The following DSCAM variants were observed in gnomAD, a reference collection of about 807,000 sequenced individuals.
The protein encoded by DSCAM is DS cell adhesion molecule, also known as cell adhesion molecule DSCAM.
Under a neutral mutation model 217.7 loss-of-function variants are expected in DSCAM, and 47 were observed. That is an observed-to-expected ratio of 0.22 (90% CI 0.17 to 0.28). The LOEUF is 0.28. Ranked by LOEUF, DSCAM falls within the 10% of genes least tolerant of loss-of-function variation. DSCAM has a pLI of 1.00. For missense variants in DSCAM, 2,080 were observed against 2,618.3 expected (o/e 0.79, Z 4.49); for synonymous variants, 1,056 against 1,015.3 (o/e 1.04, Z -0.76).
At chr21:40,555,397 G>A (rs1205364572) in intron 3 of DSCAM, among the ~76,000 whole-genome samples, 3 of 152,264 alleles carry the variant, frequency 2.0e-5, no homozygotes, top group Non-Finnish European at 4.4e-5. Context: ...CCAATGATAT[G>A]TCATTTCCAC....
rs757081991 is a variant in DSCAM at position 40,124,295 on chromosome 21, G to A, written c.3596C>T (p.Ala1199Val). 2.2e-5 allele frequency: 36 copies of A among 1,613,964 alleles called. No individual in the cohort carries two copies. Among genetic ancestry groups the A allele is most frequent in the Middle Eastern group, 1.7e-4 (1 of 6,060 alleles). ...PGPPAGVKAAAASASMVFVSW... is the reference protein window; with the variant it reads ...PGPPAGVKAAVASASMVFVSW... ...CACAAAGACCATGGAGGCTGAGGCC[G>A]CCGCTGCCTTCACACCCGCGGGAGG... Residue 1199 changes from alanine (A) to valine (V), a missense_variant, in exon 20 of 33, where the codon GCG becomes GTG. Physicochemically the swap from Ala to Val is moderately conservative, Grantham distance 64. Transcript: ENST00000400454.
chr21:40,797,300 C>T (rs1285036210), intron 1 of DSCAM, among the ~76,000 whole-genome samples: 1 of 152,180 alleles, frequency 6.6e-6, no homozygotes. Flanking sequence ...AGGAATATAA[C>T]ACTTATGGAT....
chr21:40,793,931 G>C (rs923351522), intron 1 of DSCAM, among the ~76,000 whole-genome samples: 16 of 152,142 alleles, frequency 1.1e-4, no homozygotes, highest in South Asian at 2.1e-4. Flanking sequence ...AGAGACAAAT[G>C]CTTATTAGTT....
intron 3 of DSCAM, among the ~76,000 whole-genome samples, chr21:40,374,056 A>AATATCTT (rs6147510): frequency 6.6e-6 from 1 of 151,372 alleles, no homozygotes; most frequent in South Asian, 2.1e-4. Flanking sequence ...GTAAATTTCA[A>AATATCTT]ATCACAAAAA....
chr21:40,772,532 T>C (rs1021266655), intron 1 of DSCAM, among the ~76,000 whole-genome samples: 3 of 152,220 alleles, frequency 2.0e-5, no homozygotes, highest in Non-Finnish European at 4.4e-5. Context: ...CTGTGTCCTA[T>C]ACCTCCTGCT....
intron 32 of DSCAM, among the ~76,000 whole-genome samples, chr21:40,036,041 T>C (rs1376756487): frequency 2.3e-5 from 3 of 128,612 alleles, no homozygotes; most frequent in Non-Finnish European, 5.1e-5. Context: ...TTTATAGCAC[T>C]AAATGCCCAC....
intron 20 of DSCAM, among the ~76,000 whole-genome samples, chr21:40,099,137 A>G (rs1472902359): frequency 6.6e-6 from 1 of 152,270 alleles, no homozygotes; most frequent in Non-Finnish European, 1.5e-5. Flanking sequence ...TATAAAATAA[A>G]GATCTTTTTC....
At chr21:40,035,136 A>G (rs1435872410) in intron 32 of DSCAM, among the ~76,000 whole-genome samples, 10 of 78,308 alleles carry the variant, frequency 1.3e-4, no homozygotes, top group African/African-American at 5.1e-4. Context: ...CTAACATCAT[A>G]ATGACAGGAT....
intron 3 of DSCAM, among the ~76,000 whole-genome samples, chr21:40,645,670 A>C (rs376301934): frequency 3.3e-5 from 5 of 152,274 alleles, no homozygotes; most frequent in African/African-American, 1.2e-4. Flanking sequence ...CCAATTCTCT[A>C]TCTGAGGTAA....
intron 1 of DSCAM, among the ~76,000 whole-genome samples, chr21:40,773,401 C>T (rs1359180248): frequency 6.6e-6 from 1 of 152,192 alleles, no homozygotes; most frequent in Non-Finnish European, 1.5e-5. Context: ...CTTCACATGG[C>T]CTTCTTCTCC....
At chr21:40,097,951 AAAAAAAGAAAGAAAG>A (rs2089698073) in intron 20 of DSCAM, among the ~76,000 whole-genome samples, 1 of 88,208 alleles carries the variant, frequency 1.1e-5, no homozygotes, top group East Asian at 4.4e-4. Context: ...AAAAAAAAAA[AAAAAAAGAAAGAAAG>A]AAAGAAAGAA....
chr21:40,263,369 C>T (rs964817573), intron 11 of DSCAM, among the ~76,000 whole-genome samples: 52 of 152,098 alleles, frequency 3.4e-4, no homozygotes, highest in African/African-American at 1.3e-3. Flanking sequence ...TCTTCTCAGA[C>T]CACAGTGGAA....
At chr21:40,716,380 ATG>A (rs35141387) in intron 1 of DSCAM, among the ~76,000 whole-genome samples, 15,240 of 150,628 alleles carry the variant, frequency 0.1, 792 homozygotes, top group Middle Eastern at 0.17. Context: ...AATGTGAATT[ATG>A]TGTGTGTGTG....
chr21:40,061,863 T>C (rs147915115), intron 28 of DSCAM, among the ~76,000 whole-genome samples: 2 of 152,312 alleles, frequency 1.3e-5, no homozygotes, highest in East Asian at 3.9e-4. Flanking sequence ...ACCCTCTCTC[T>C]CCCACGTAAA....
chr21:40,582,794 C>T (rs1407259460), intron 3 of DSCAM, among the ~76,000 whole-genome samples: 4 of 152,114 alleles, frequency 2.6e-5, no homozygotes, highest in Non-Finnish European at 4.4e-5. Context: ...GTCTAGAACA[C>T]AGTGCCCTAT....
intron 1 of DSCAM, among the ~76,000 whole-genome samples, chr21:40,761,147 C>T (rs560920607): frequency 6.6e-6 from 1 of 152,328 alleles, no homozygotes; most frequent in South Asian, 2.1e-4. Flanking sequence ...ATCCATGATC[C>T]TTCCAAGTAG....
intron 15 of DSCAM, among the ~76,000 whole-genome samples, chr21:40,175,801 ACACACACGCACACACACACACACG>A (rs2090720509): frequency 9.1e-6 from 1 of 109,962 alleles, no homozygotes; most frequent in South Asian, 2.9e-4. Context: ...ACACACACAC[ACACACACGCACACACACACACACG>A]CACACACACA....
At chr21:40,751,946 C>T (rs1275779906) in intron 1 of DSCAM, among the ~76,000 whole-genome samples, 1 of 152,128 alleles carries the variant, frequency 6.6e-6, no homozygotes, top group Non-Finnish European at 1.5e-5. Context: ...TGATCTGATG[C>T]CTCTGTTCTG....
chr21:40,362,292 TA>T (rs553420106), intron 4 of DSCAM, among the ~76,000 whole-genome samples: 8 of 151,340 alleles, frequency 5.3e-5, no homozygotes, highest in Admixed American at 2.0e-4. Flanking sequence ...ATAATAATAA[TA>T]AAAAAAAAGA....
Sources: gnomAD v4.1 joint callset for allele counts (sites outside exome capture counted in the v4.1 genomes callset) on GRCh38, gnomAD v4.1.1 for gene constraint, MANE v1.5 for transcripts, NCBI Gene and HGNC (gene_info 2026-07-23, HGNC 2026-07-21) for gene names.